The following PLD1 variants were observed in gnomAD, a reference collection of about 807,000 sequenced individuals.
PLD1 encodes choline phosphatase 1.
Under a neutral mutation model 137.1 loss-of-function variants are expected in PLD1, and 112 were observed. The ratio of observed to expected loss-of-function variants is 0.82; its 90% CI spans 0.70 to 0.96. The LOEUF (loss-of-function observed/expected upper bound fraction) is 0.96, where lower values mean the gene tolerates loss of function less well. Among genes scored for constraint, PLD1 ranks in the 40% least tolerant of loss-of-function variants. The probability of loss-of-function intolerance (pLI) is 0.00; values close to 1 mark genes in which losing one functional copy is unlikely to be tolerated. For synonymous variants in PLD1, 431 were observed against 454.7 expected (o/e 0.95, Z 0.66); for missense variants, 1,321 against 1,342.0 (o/e 0.98, Z 0.24).
At chr3:171,783,939 G>A (rs986297465) in intron 1 of PLD1, among the ~76,000 whole-genome samples, 101 of 152,216 alleles carry the variant, frequency 6.6e-4, no homozygotes, top group African/African-American at 2.3e-3. Flanking sequence ...GAGCCACTGC[G>A]CCCAGCCCAC....
At chr3:171,750,348 G>T (rs1041249225) in intron 1 of PLD1, among the ~76,000 whole-genome samples, 1 of 151,840 alleles carries the variant, frequency 6.6e-6, no homozygotes, top group Non-Finnish European at 1.5e-5. Context: ...CAGACAGAGG[G>T]GAAAAAAGAT....
Position 171,758,116 on chromosome 3 carries a change from G to A in PLD1, c.-31-20034C>T, listed in dbSNP as rs185512993. Among the ~76,000 whole-genome samples the A allele has an allele frequency of 1.8e-4, 27 of 152,228 alleles. No homozygotes were observed. In the East Asian group the frequency reaches 4.4e-3, roughly 25 times the overall value. ...GTAGATGTTCAATAAATGCTTCCTG[G>A]ATTATTACTACTAATAGCTAATAGT... On this transcript the variant is annotated intron_variant, in intron 1 of 26. Coordinates refer to ENST00000351298, the MANE Select transcript of PLD1 (RefSeq NM_002662.5).
intron 1 of PLD1, among the ~76,000 whole-genome samples, chr3:171,785,684 G>A (rs562198436): frequency 9.1e-4 from 138 of 152,240 alleles, no homozygotes; most frequent in African/African-American, 3.0e-3. Context: ...TGATCTGCCC[G>A]CCTTGGCCTC....
chr3:171,622,290 C>T (rs1733707070), intron 23 of PLD1, among the ~76,000 whole-genome samples: 2 of 152,276 alleles, frequency 1.3e-5, no homozygotes, highest in South Asian at 4.1e-4. Flanking sequence ...AAAGCAGATT[C>T]CTGTGACTCT....
Position 171,699,771 on chromosome 3 carries a change from A to G in PLD1, c.1201T>C (p.Leu401=). 6.2e-7 allele frequency: 1 copy of G among 1,613,820 alleles called. No homozygotes were observed. The highest frequency in any genetic ancestry group is 8.5e-7 in the Non-Finnish European group (1 of 1,179,714). The change falls in exon 12 of 27, where the codon TTG becomes CTG. Residue 401 remains leucine (L), a synonymous_variant. Coordinates refer to ENST00000351298, the MANE Select transcript of PLD1 (RefSeq NM_002662.5). ...RPVVEGNRWR[L]DCILKRKAQQ... is the part of the protein sequence containing the mutation. ...GCTTTTCGTTTAAGAATGCAGTCCA[A>G]CCTCCAACGATTTCCCTCAACCACT...
chr3:171,730,926 A>G (rs1718894889), intron 6 of PLD1, among the ~76,000 whole-genome samples: 1 of 152,242 alleles, frequency 6.6e-6, no homozygotes, highest in African/African-American at 2.4e-5. Flanking sequence ...GGCATGAGCC[A>G]CTGCGCCCAG....
intron 1 of PLD1, among the ~76,000 whole-genome samples, chr3:171,806,960 A>G (rs1191862226): frequency 1.3e-5 from 2 of 152,204 alleles, no homozygotes; most frequent in East Asian, 1.9e-4. Flanking sequence ...TTCCTGCTGT[A>G]GATAAGATTT....
intron 12 of PLD1, among the ~76,000 whole-genome samples, chr3:171,695,255 C>A (rs1715576803): frequency 6.6e-6 from 1 of 152,178 alleles, no homozygotes; most frequent in Admixed American, 6.5e-5. Context: ...GTTAATTCTG[C>A]AATTTAAAAA....
chr3:171,736,614 G>A (rs2108264096), intron 3 of PLD1, among the ~76,000 whole-genome samples: 1 of 152,230 alleles, frequency 6.6e-6, no homozygotes, highest in African/African-American at 2.4e-5. Flanking sequence ...GGTAGGCTGG[G>A]ACACAGCACC....
chr3:171,646,019 C>T (rs927421902), intron 21 of PLD1, among the ~76,000 whole-genome samples: 1 of 151,612 alleles, frequency 6.6e-6, no homozygotes, highest in African/African-American at 2.4e-5. Flanking sequence ...ATGAATTCTA[C>T]TCAATGATAT....
chr3:171,808,815 ATTTTTTTTTTT>A (rs60146546), intron 1 of PLD1, among the ~76,000 whole-genome samples: 10 of 86,230 alleles, frequency 1.2e-4, no homozygotes, highest in African/African-American at 3.9e-4. Flanking sequence ...TTAGCATTCA[ATTTTTTTTTTT>A]TTTTTTTTTT....
intron 9 of PLD1, among the ~76,000 whole-genome samples, chr3:171,713,453 G>A (rs1717426580): frequency 6.6e-6 from 1 of 152,182 alleles, no homozygotes; most frequent in African/African-American, 2.4e-5. Flanking sequence ...TCCAGTCTGG[G>A]TGACAGAGTG....
At chr3:171,717,186 T>G in intron 8 of PLD1, among the ~76,000 whole-genome samples, 1 of 152,212 alleles carries the variant, frequency 6.6e-6, no homozygotes, top group East Asian at 1.9e-4. Context: ...CCTTGGCTAT[T>G]CAGGCTCTTT....
At position 171,699,923 on chromosome 3, in the gene PLD1, C is replaced by T. The variant is rs1404760699; in HGVS notation, c.1146-97G>A. ...AAGGCAATTTCAGCCCAATTCAACCCCATTATCATCCTCCATTGTGATGGG... is the reference window on the plus strand; with the variant it reads ...AAGGCAATTTCAGCCCAATTCAACCTCATTATCATCCTCCATTGTGATGGG... On this transcript the variant is annotated intron_variant, in intron 11 of 26. Transcript: ENST00000351298. 22 of 858,188 alleles carry T rather than the reference C, an allele frequency of 2.6e-5. No homozygotes were observed. The East Asian group carries it at 4.9e-4, about 19-fold the overall frequency. 53.2% of individuals were successfully genotyped at this position (858,188 alleles called of 1,614,324 possible).
At chr3:171,704,081 C>T (rs1226950291) in intron 11 of PLD1, among the ~76,000 whole-genome samples, 3 of 152,150 alleles carry the variant, frequency 2.0e-5, no homozygotes, top group Non-Finnish European at 2.9e-5. Context: ...AAAAGCAGCT[C>T]CATAAAGTTG....
intron 1 of PLD1, among the ~76,000 whole-genome samples, chr3:171,749,251 TGGA>T (rs1385590853): frequency 6.6e-5 from 10 of 152,200 alleles, no homozygotes; most frequent in Non-Finnish European, 1.5e-4. Context: ...CAAAGGGTTC[TGGA>T]TCTCAGATAA....
chr3:171,690,266 C>T (rs563656910), intron 13 of PLD1, among the ~76,000 whole-genome samples: 3 of 152,048 alleles, frequency 2.0e-5, no homozygotes, highest in African/African-American at 7.2e-5. Context: ...CTTAGCCCAC[C>T]AAGCTAAAGG....
At chr3:171,654,474 T>C (rs549739054) in intron 21 of PLD1, among the ~76,000 whole-genome samples, 14 of 152,326 alleles carry the variant, frequency 9.2e-5, no homozygotes, top group African/African-American at 3.4e-4. Context: ...CACTATAAAA[T>C]GCACTTTCTC....
intron 3 of PLD1, among the ~76,000 whole-genome samples, chr3:171,736,354 A>C (rs1038474362): frequency 3.3e-5 from 5 of 152,226 alleles, no homozygotes; most frequent in African/African-American, 1.2e-4. Flanking sequence ...TCACTCATTC[A>C]AGATCACAAG....
Sources: gnomAD v4.1 joint callset for allele counts (sites outside exome capture counted in the v4.1 genomes callset) on GRCh38, gnomAD v4.1.1 for gene constraint, MANE v1.5 for transcripts, NCBI Gene and HGNC (gene_info 2026-07-23, HGNC 2026-07-21) for gene names.